The following ABR variants were observed in gnomAD, a reference collection of about 807,000 sequenced individuals.
The protein encoded by ABR is active breakpoint cluster region-related protein.
Under a neutral mutation model 107.2 loss-of-function variants are expected in ABR, and 35 were observed. That is an observed-to-expected ratio of 0.33 (90% confidence interval 0.25 to 0.43). The LOEUF (loss-of-function observed/expected upper bound fraction) is 0.43. Ranked by LOEUF, ABR falls within the 20% of genes least tolerant of loss-of-function variation. ABR has a pLI of 1.00. For synonymous variants in ABR, 498 were observed against 462.0 expected, an observed-to-expected ratio of 1.08 and a Z score of -1.00; for missense variants, 815 against 1,115.2, an observed-to-expected ratio of 0.73 and a Z score of 3.83.
rs562304194 is a variant in ABR at position 1,066,071 on chromosome 17, T to A, written c.1182+1006A>T. On this transcript the variant is annotated intron_variant, in intron 10 of 22. Coordinates refer to ENST00000302538, the MANE Select transcript of ABR (RefSeq NM_021962.5). ...ATTTTGTATTTTTAGTAGAGATGGATTTTTACCATGTTGGCCAGGCTGATC... is the reference window on the plus strand; with the variant it reads ...ATTTTGTATTTTTAGTAGAGATGGAATTTTACCATGTTGGCCAGGCTGATC... Among the ~76,000 whole-genome samples the A allele has an allele frequency of 5.5e-4, 83 of 152,032 alleles. 2 individuals carry two copies. The South Asian group carries it at 0.016, about 29-fold the overall frequency.
intron 1 of ABR, among the ~76,000 whole-genome samples, chr17:1,156,649 A>C (rs1399050682): frequency 6.6e-6 from 1 of 151,826 alleles, no homozygotes; most frequent in African/African-American, 2.4e-5. Flanking sequence ...GTGCCACTGC[A>C]CTCCAGCCTG....
chr17:1,016,167 T>G (rs370257493), intron 16 of ABR, among the ~76,000 whole-genome samples: 3 of 152,346 alleles, frequency 2.0e-5, no homozygotes, highest in African/African-American at 7.2e-5. Flanking sequence ...ATATACCTAT[T>G]ACTGAAAATT....
intron 16 of ABR, among the ~76,000 whole-genome samples, chr17:1,014,921 T>G (rs796425486): frequency 3.9e-5 from 6 of 152,330 alleles, no homozygotes; most frequent in African/African-American, 1.4e-4. Context: ...TCTTCTCTCC[T>G]TGAATTTGTT....
In ABR at chr17:1,156,833, G is replaced by C. The variant is rs906156591; in HGVS notation, c.61+22834C>G. Among the ~76,000 whole-genome samples, 6 of 152,322 alleles carry C rather than the reference G, an allele frequency of 3.9e-5. No individual in the cohort carries two copies. The South Asian group carries it at 1.2e-3, about 32-fold the overall frequency. ...GGACTAACTTGCTCATAGTCACGTA[G>C]TTACTTAATGGTGAGGCTGGGATCT... On this transcript the variant is annotated intron_variant, in intron 1 of 22. Transcript: ENST00000302538.
chr17:1,056,331 G>C (rs36069025), intron 13 of ABR, among the ~76,000 whole-genome samples: 2 of 152,032 alleles, frequency 1.3e-5, no homozygotes, highest in African/African-American at 4.8e-5. Flanking sequence ...ACTCAGCCTG[G>C]GGGGGTCCAG....
rs1248955794 is a variant in ABR, at chr17:1,071,649, C to A, written c.894+965G>T. 3.9e-5 allele frequency among the ~76,000 whole-genome samples: 6 copies of A among 152,374 alleles called. No individual in the cohort carries two copies. In the South Asian group the frequency reaches 6.2e-4, roughly 16 times the overall value. On this transcript the variant is annotated intron_variant, in intron 8 of 22. Transcript: ENST00000302538. The surrounding 1 kb of genome is among the most constrained non-coding windows in gnomAD (Gnocchi z 5.1). ...AGCCTTTCCTGCTGTGGGCTCCCCGCAAGCCACTGCGTGTGCAGGCCGAGC... is the reference window on the plus strand; with the variant it reads ...AGCCTTTCCTGCTGTGGGCTCCCCGAAAGCCACTGCGTGTGCAGGCCGAGC...
intron 1 of ABR, among the ~76,000 whole-genome samples, chr17:1,218,572 G>C (rs34646482): frequency 0.21 from 31,953 of 152,086 alleles, 3,502 homozygotes; most frequent in African/African-American, 0.25. Context: ...AATGTCTCTA[G>C]ACTTGTTAAT....
intron 1 of ABR, among the ~76,000 whole-genome samples, chr17:1,214,213 G>A (rs993388717): frequency 2.0e-5 from 3 of 151,918 alleles, no homozygotes; most frequent in African/African-American, 7.3e-5. Context: ...ACAGGACTTG[G>A]ACTTCCCCGC....
chr17:1,201,515 G>A (rs540391612), intron 1 of ABR, among the ~76,000 whole-genome samples: 5 of 152,220 alleles, frequency 3.3e-5, no homozygotes, highest in South Asian at 4.2e-4. Context: ...TCTCTCCGGA[G>A]GGTAAAAACA....
chr17:1,093,966 G>A (rs1349225215), intron 3 of ABR, among the ~76,000 whole-genome samples: 2 of 151,468 alleles, frequency 1.3e-5, no homozygotes, highest in Non-Finnish European at 2.9e-5. Flanking sequence ...CCCTCGCCGC[G>A]CTAGAAACAA....
chr17:1,182,697 C>A (rs1428018020), upstream of ABR, among the ~76,000 whole-genome samples: 1 of 152,200 alleles, frequency 6.6e-6, no homozygotes, highest in East Asian at 1.9e-4. Context: ...CGCATACTGC[C>A]TCCACGGCCA....
At chr17:1,116,699 A>T (rs1413933566) in intron 2 of ABR, among the ~76,000 whole-genome samples, 1 of 151,738 alleles carries the variant, frequency 6.6e-6, no homozygotes, top group African/African-American at 2.4e-5. Flanking sequence ...GGACAAGCCC[A>T]GGAGCCACCC....
chr17:1,068,023 C>T (rs966629516), intron 9 of ABR, among the ~76,000 whole-genome samples: 3 of 152,192 alleles, frequency 2.0e-5, no homozygotes, highest in Non-Finnish European at 2.9e-5. Flanking sequence ...ACCTCTGCCT[C>T]CAGGGTTCAA....
rs892263636 is a variant in ABR, at chr17:1,027,386, G to C, written c.1792-14222C>G. Among the ~76,000 whole-genome samples the C allele has an allele frequency of 6.6e-6, 1 of 152,238 alleles. No homozygotes were observed. The highest frequency in any genetic ancestry group is 2.4e-5 in the African/African-American group (1 of 41,468). On this transcript the variant is annotated intron_variant, in intron 16 of 22. Coordinates refer to ENST00000302538, the MANE Select transcript of ABR (RefSeq NM_021962.5). The surrounding 1 kb of genome is among the most constrained non-coding windows in gnomAD (Gnocchi z 4.7). Reference sequence around the variant, plus strand: ...CTTGATGTCTGCAGCCCCCTCTGAAGTCGCACACAGTGTGTGCATGGGGTG... The same window carrying C: ...CTTGATGTCTGCAGCCCCCTCTGAACTCGCACACAGTGTGTGCATGGGGTG...
chr17:1,201,940 G>A (rs888898963), intron 1 of ABR, among the ~76,000 whole-genome samples: 25 of 152,280 alleles, frequency 1.6e-4, no homozygotes, highest in African/African-American at 5.8e-4. Flanking sequence ...GCCTCCCAAA[G>A]TGCTGGGATT....
At chr17:1,097,814 C>T (rs2037576153) in intron 3 of ABR, among the ~76,000 whole-genome samples, 1 of 152,130 alleles carries the variant, frequency 6.6e-6, no homozygotes. Context: ...AACTATGTTC[C>T]TTTTTGGACA....
intron 2 of ABR, among the ~76,000 whole-genome samples, chr17:1,102,951 G>A (rs1199066111): frequency 6.6e-6 from 1 of 151,992 alleles, no homozygotes; most frequent in Non-Finnish European, 1.5e-5. Flanking sequence ...CTCAGGTGAT[G>A]CGCCCGCCTC....
chr17:1,220,790 T>C (rs995900162), intron 1 of ABR, among the ~76,000 whole-genome samples: 2 of 152,190 alleles, frequency 1.3e-5, no homozygotes, highest in African/African-American at 4.8e-5. Flanking sequence ...TTCACTGAAC[T>C]TCTCATTCGT....
At position 1,012,963 on chromosome 17, in the gene ABR, G is replaced by A. The variant is rs989290028; in HGVS notation, c.1851+142C>T. The A allele has an allele frequency of 5.3e-6, 6 of 1,122,328 alleles. No individual in the cohort carries two copies. In the Admixed American group the frequency reaches 7.8e-5, roughly 15 times the overall value. The allele number at this position is 1,122,328 out of a possible 1,614,324, so 69.5% of individuals were successfully genotyped here. A position where few individuals can be genotyped will look rare whatever the true frequency, so the allele number is the denominator to read the frequency against. ...GACAGCAGCGGGCAGGGTGTGGGCA[G>A]GAGGGGAGAGGGGGCTGGGCTGCGG... On this transcript the variant is annotated intron_variant, in intron 17 of 22. Transcript: ENST00000302538.
Sources: allele counts gnomAD v4.1 joint callset (sites outside exome capture counted in the v4.1 genomes callset), GRCh38; gene constraint gnomAD v4.1.1; non-coding constraint Gnocchi (gnomAD v3.1); transcripts MANE v1.5; gene names NCBI Gene and HGNC (gene_info 2026-07-23, HGNC 2026-07-21).